Variants in SNRNP70 observed in about 807,000 individuals in gnomAD.
The protein encoded by SNRNP70 is U1 small nuclear ribonucleoprotein 70 kDa.
SNRNP70 carries 8 observed loss-of-function variants against 50.5 expected under a neutral mutation model. That is an observed-to-expected ratio of 0.16 (90% confidence interval 0.09 to 0.29). The LOEUF is 0.29. SNRNP70 is among the 10% of genes least tolerant of loss of function. The pLI, the probability that SNRNP70 is intolerant of heterozygous loss-of-function variation, is 1.00. For missense variants in SNRNP70, 529 were observed against 663.5 expected (o/e 0.80, Z 2.23); for synonymous variants, 320 against 252.9 (o/e 1.27, Z -2.52).
In SNRNP70 at chr19:49,104,541, A is replaced by C. The variant is rs759167499; in HGVS notation, c.476-93A>C. On this transcript the variant is annotated intron_variant, in intron 7 of 9. Coordinates refer to ENST00000598441, the MANE Select transcript of SNRNP70 (RefSeq NM_003089.6). This position sits in a 1 kb window ranked among gnomAD's most constrained non-coding sequence, Gnocchi z 5.4. Reference sequence around the variant, plus strand: ...CGTGTGCGTGTGCGTGATGATGGGGACACGGGGCGGGGATTCTGTAGAGCT... The same window carrying C: ...CGTGTGCGTGTGCGTGATGATGGGGCCACGGGGCGGGGATTCTGTAGAGCT... 11 of 933,224 alleles carry C rather than the reference A, an allele frequency of 1.2e-5. 1 individual carries two copies. In the Middle Eastern group the frequency reaches 2.1e-3, roughly 178 times the overall value. The allele number at this position is 933,224 out of a possible 1,614,324, so 57.8% of individuals were successfully genotyped here.
intron 8 of SNRNP70, among the ~76,000 whole-genome samples, chr19:49,105,734 A>C (rs535678814): frequency 4.3e-4 from 63 of 145,866 alleles, no homozygotes; most frequent in East Asian, 1.0e-3. Context: ...TGTCTCAAAA[A>C]AAAAAACAAA....
chr19:49,098,289 G>C, intron 4 of SNRNP70, 138 bp from the exon 5 acceptor site: 1 of 716,056 alleles, frequency 1.4e-6, no homozygotes, highest in Non-Finnish European at 2.4e-6. Context: ...GAGGTTGCCA[G>C]GTCACCACCC....
Position 49,098,688 on chromosome 19 carries a change from A to G in SNRNP70, c.377A>G (p.Tyr126Cys). ...AAGCTCCGGAGAGAGTTTGAGGTGT[A>G]CGGACCTATCAAAAGAGTAAGTGGA... is the stretch of plus-strand genomic sequence containing the variant. ...ESKLRREFEV[Y>C]GPIKRIHMVY... The change falls in exon 6 of 10, where the codon TAC becomes TGC. Residue 126 changes from tyrosine (Y) to cysteine (C), a missense_variant. Tyr to Cys is a radical substitution (Grantham distance 194). Around this residue, in one of 4 missense-constraint regions of SNRNP70, gnomAD observed 149 missense variants for 259.7 expected, o/e 0.57. Coordinates refer to ENST00000598441, the MANE Select transcript of SNRNP70 (RefSeq NM_003089.6). 6.2e-7 allele frequency: 1 copy of G among 1,614,056 alleles called. No homozygotes were observed. Among genetic ancestry groups the G allele is most frequent in the Non-Finnish European group, 8.5e-7 (1 of 1,179,908 alleles).
chr19:49,102,120 C>T (rs1296656292), intron 7 of SNRNP70: 9 of 1,284,230 alleles, frequency 7.0e-6, no homozygotes, highest in South Asian at 3.7e-5. Flanking sequence ...GCAGCCACCA[C>T]GCAGCTGGCT....
intron 3 of SNRNP70, 42 bp downstream of exon 3, chr19:49,090,395 C>T (rs2040432995): frequency 6.2e-7 from 1 of 1,612,730 alleles, no homozygotes; most frequent in East Asian, 2.2e-5. Flanking sequence ...TTACCACTGT[C>T]TCCAGATGAT....
At chr19:49,096,357 T>G (rs1398901053) in intron 4 of SNRNP70, among the ~76,000 whole-genome samples, 1 of 152,052 alleles carries the variant, frequency 6.6e-6, no homozygotes, top group Non-Finnish European at 1.5e-5. Flanking sequence ...GTGCCCAGCC[T>G]GGCAAGGAAC....
chr19:49,100,388 C>G (rs1303874408), intron 6 of SNRNP70, among the ~76,000 whole-genome samples: 1 of 152,142 alleles, frequency 6.6e-6, no homozygotes, highest in Non-Finnish European at 1.5e-5. Context: ...CCTCATGGAC[C>G]TCCACCCCAC....
intron 4 of SNRNP70, among the ~76,000 whole-genome samples, chr19:49,091,656 G>T (rs1243245048): frequency 6.6e-6 from 1 of 152,172 alleles, no homozygotes; most frequent in Non-Finnish European, 1.5e-5. Flanking sequence ...TCCTATACCT[G>T]TGAACTTTGA....
At chr19:49,095,325 G>A (rs932706550) in intron 4 of SNRNP70, among the ~76,000 whole-genome samples, 8 of 152,244 alleles carry the variant, frequency 5.3e-5, no homozygotes, top group Non-Finnish European at 7.3e-5. Context: ...CACAGTAACT[G>A]TTAGAATGCC....
chr19:49,102,426 G>T lies in SNRNP70; in HGVS notation c.475+955G>T, dbSNP rs930023983. The T allele has an allele frequency of 1.1e-3, 304 of 283,468 alleles. 1 individual carries two copies. The highest frequency in any genetic ancestry group is 1.2e-3 in the Non-Finnish European group (163 of 137,512). The allele number at this position is 283,468 out of a possible 1,614,324, so 17.6% of individuals were successfully genotyped here. On this transcript the variant is annotated intron_variant, in intron 7 of 9. Transcript: ENST00000598441. ...TGGTGGGAAAGGCGGCGGCCTCTCCGCTTGGGTTCCACCCAGCCTCTGATG... is the reference window on the plus strand; with the variant it reads ...TGGTGGGAAAGGCGGCGGCCTCTCCTCTTGGGTTCCACCCAGCCTCTGATG...
chr19:49,094,684 C>T (rs1185521683), intron 4 of SNRNP70, among the ~76,000 whole-genome samples: 1 of 152,186 alleles, frequency 6.6e-6, no homozygotes, highest in African/African-American at 2.4e-5. Flanking sequence ...CCTTGAGAGC[C>T]TCCACTCATA....
At chr19:49,093,993 A>T (rs1163775124) in intron 4 of SNRNP70, among the ~76,000 whole-genome samples, 1 of 152,174 alleles carries the variant, frequency 6.6e-6, no homozygotes, top group Non-Finnish European at 1.5e-5. Context: ...ATTACACTCC[A>T]GCCCGGGCAA....
chr19:49,088,016 C>T (rs576221656), intron 2 of SNRNP70, among the ~76,000 whole-genome samples: 2 of 151,816 alleles, frequency 1.3e-5, no homozygotes, highest in South Asian at 2.1e-4. Context: ...CTCAGCCTCT[C>T]AAGTAGCTGG....
chr19:49,097,615 C>T (rs1482417865), intron 4 of SNRNP70, among the ~76,000 whole-genome samples: 2 of 152,156 alleles, frequency 1.3e-5, no homozygotes, highest in African/African-American at 2.4e-5. Flanking sequence ...ATGGAAGAAC[C>T]GGCAGAGTGT....
At chr19:49,097,875 A>G (rs1039052080) in intron 4 of SNRNP70, among the ~76,000 whole-genome samples, 4 of 152,242 alleles carry the variant, frequency 2.6e-5, no homozygotes, top group African/African-American at 9.6e-5. Flanking sequence ...TTAGAGACAC[A>G]GGGCACAGAC....
rs2122394379 is a variant in SNRNP70 at position 49,104,601 on chromosome 19, CCT to C, written c.476-29_476-28del. 6.6e-7 allele frequency: 1 copy of C among 1,511,072 alleles called. No homozygotes were observed. The highest frequency in any genetic ancestry group is 9.0e-7 in the Non-Finnish European group (1 of 1,110,856). 93.6% of individuals were successfully genotyped at this position (1,511,072 alleles called of 1,614,324 possible). A position where few individuals can be genotyped will look rare whatever the true frequency, so the allele number is the denominator to read the frequency against. On this transcript the variant is annotated intron_variant, in intron 7 of 9. Coordinates refer to ENST00000598441, the MANE Select transcript of SNRNP70 (RefSeq NM_003089.6). The surrounding 1 kb of genome is among the most constrained non-coding windows in gnomAD (Gnocchi z 5.4). ...CTGACTAGAGGACCCTCTGGGGACT[CCT>C]CTCCCCTCCCCCTCCCCACATCTGT...
At chr19:49,092,494 C>T (rs868118123) in intron 4 of SNRNP70, among the ~76,000 whole-genome samples, 4 of 151,610 alleles carry the variant, frequency 2.6e-5, no homozygotes, top group Non-Finnish European at 2.9e-5. Flanking sequence ...CTGCAACTTC[C>T]GCCTCCTGGG....
At chr19:49,085,705 C>T (rs1027406666) in intron 1 of SNRNP70, 69 bp downstream of exon 1, 3 of 450,978 alleles carry the variant, frequency 6.7e-6, no homozygotes, top group South Asian at 3.1e-5. Context: ...GCGGTGGGCC[C>T]GGTCCTCTTC....
rs1260506705 is a variant in SNRNP70 at position 49,107,677 on chromosome 19, T to C, written c.630T>C (p.His210=). Residue 210 remains histidine (H), a synonymous_variant, in exon 9 of 10, where the codon CAT becomes CAC. Coordinates refer to ENST00000598441, the MANE Select transcript of SNRNP70 (RefSeq NM_003089.6). This position sits in a 1 kb window ranked among gnomAD's most constrained non-coding sequence, Gnocchi z 6.0. ...RRGGADVNIR[H]SGRDDTSRYD... Reference sequence around the variant, plus strand: ...GAGGGGCTGATGTGAACATCCGGCATTCAGGCCGCGATGACACCTCCCGCT... The same window carrying C: ...GAGGGGCTGATGTGAACATCCGGCACTCAGGCCGCGATGACACCTCCCGCT... The C allele has an allele frequency of 3.7e-6, 6 of 1,614,050 alleles. No homozygotes were observed. In the Admixed American group the frequency reaches 8.3e-5, roughly 22 times the overall value.
Sources: gnomAD v4.1 joint callset for allele counts (sites outside exome capture counted in the v4.1 genomes callset) on GRCh38, gnomAD v4.1.1 for gene constraint, gnomAD v4.1.1 regional missense constraint, Gnocchi (gnomAD v3.1) non-coding constraint, MANE v1.5 for transcripts, NCBI Gene and HGNC (gene_info 2026-07-23, HGNC 2026-07-21) for gene names.